NRP1: variants seen among roughly 807,000 people sequenced by gnomAD.
NRP1 encodes neuropilin-1.
A neutral mutation model predicts 106.7 loss-of-function variants in NRP1; 35 were observed. The ratio of observed to expected loss-of-function variants is 0.33; its 90% CI spans 0.25 to 0.43. The LOEUF is 0.43. NRP1 is among the 20% of genes least tolerant of loss of function. The probability of loss-of-function intolerance (pLI) is 1.00; values close to 1 mark genes in which losing one functional copy is unlikely to be tolerated. For missense variants in NRP1, 1,024 were observed against 1,170.4 expected (o/e 0.87, Z 1.83); for synonymous variants, 437 against 417.9 (o/e 1.05, Z -0.56).
rs150908749 is a variant in NRP1 at position 33,229,652 on chromosome 10, A to G, written c.982-3363T>C. Among the ~76,000 whole-genome samples, 846 of 152,216 alleles carry G rather than the reference A, an allele frequency of 5.6e-3. 13 individuals carry two copies. Among genetic ancestry groups the G allele is most frequent in the African/African-American group, 0.017 (721 of 41,540 alleles). ...ATTTTGGTTTTTGGAGTAAGATTTA[A>G]TTACTAAGTAGGAAAGAAGTTAACT... On this transcript the variant is annotated intron_variant, in intron 6 of 16. Transcript: ENST00000374867.
At position 33,182,716 on chromosome 10, in the gene NRP1, T is replaced by G. The variant is rs972629078; in HGVS notation, c.2464A>C (p.Ile822Leu). 1 of 1,612,928 alleles carries G rather than the reference T, an allele frequency of 6.2e-7. No homozygotes were observed. Among genetic ancestry groups the G allele is most frequent in the African/African-American group, 1.3e-5 (1 of 74,906 alleles). Residue 822 changes from isoleucine (I) to leucine (L), a missense_variant, in exon 16 of 17, where the codon ATT becomes CTT. Physicochemically the swap from Ile to Leu is conservative, Grantham distance 5. Around this residue, in one of 5 missense-constraint regions of NRP1, gnomAD observed 164 missense variants for 161.4 expected, o/e 1.02. Coordinates refer to ENST00000374867, the MANE Select transcript of NRP1 (RefSeq NM_003873.7). ...PADLDKKNPE[I>L]KIDETGSTPG... ...AATTTACCTGTTTCATCAATTTTAA[T>G]TTCTGGGTTCTTTTTATCCAGGTCT...
At position 33,263,761 on chromosome 10, in the gene NRP1, C is replaced by G. The variant is rs767829083; in HGVS notation, c.543G>C (p.Lys181Asn). ...LECTYIVFVP[K>N]MSEIILEFES... ...CAAATTCCAGGATAATCTCTGACAT[C>G]TTTGGCACAAAGACAATATAAGTGC... Residue 181 changes from lysine (K) to asparagine (N), a missense_variant, in exon 4 of 17, where the codon AAG becomes AAC. Lys to Asn is a moderately conservative substitution (Grantham distance 94, BLOSUM62 0). Coordinates refer to ENST00000374867, the MANE Select transcript of NRP1 (RefSeq NM_003873.7). 1.9e-6 allele frequency: 3 copies of G among 1,613,828 alleles called. No homozygotes were observed. The highest frequency in any genetic ancestry group is 8.5e-7 in the Non-Finnish European group (1 of 1,179,890).
chr10:33,221,963 G>C, intron 7 of NRP1, 100 bp from the exon 8 acceptor site: 1 of 1,334,004 alleles, frequency 7.5e-7, no homozygotes, highest in Non-Finnish European at 1.1e-6. Flanking sequence ...TACAATTTCA[G>C]TGTTGTCGAT....
chr10:33,191,789 C>T (rs1836430771), intron 13 of NRP1, among the ~76,000 whole-genome samples: 1 of 151,820 alleles, frequency 6.6e-6, no homozygotes. Context: ...CCAGCCCGGC[C>T]AATGTGGTGA....
intron 7 of NRP1, among the ~76,000 whole-genome samples, chr10:33,222,524 TTTATTTATTTA>T (rs1362376650): frequency 8.7e-5 from 13 of 150,064 alleles, no homozygotes; most frequent in African/African-American, 3.2e-4. Context: ...TATTTATTTA[TTTATTTATTTA>T]TTTAAGATGG....
In NRP1 at chr10:33,211,923, C is replaced by CACT. The variant is rs954012622; in HGVS notation, c.1614+1460_1614+1462dup. On this transcript the variant is annotated intron_variant, in intron 9 of 16. Transcript: ENST00000374867. ...ATACCATCGCTGAATATAATTCCCA[C>CACT]ACTGAACACAGAACTTAAACTGCTA... The CACT allele has an allele frequency of 1.6e-3, 246 of 152,374 alleles. 2 individuals carry two copies. Among genetic ancestry groups the CACT allele is most frequent in the African/African-American group, 5.6e-3 (232 of 41,588 alleles). The allele number at this position is 152,374 out of a possible 1,614,324, so 9.4% of individuals were successfully genotyped here. A position where few individuals can be genotyped will look rare whatever the true frequency, so the allele number is the denominator to read the frequency against.
At chr10:33,187,094 A>G (rs1836061504) in intron 13 of NRP1, among the ~76,000 whole-genome samples, 1 of 152,074 alleles carries the variant, frequency 6.6e-6, no homozygotes, top group Non-Finnish European at 1.5e-5. Context: ...GCTAGTCTCA[A>G]ACTCCTGGCC....
At chr10:33,249,081 CTT>C (rs1366741171) in intron 6 of NRP1, among the ~76,000 whole-genome samples, 3 of 65,434 alleles carry the variant, frequency 4.6e-5, no homozygotes, top group Non-Finnish European at 5.5e-5. Flanking sequence ...TATTATGTCT[CTT>C]GTTTTTTTTT....
Position 33,179,926 on chromosome 10 carries a change from C to T in NRP1, c.*150G>A, listed in dbSNP as rs932833354. 67 of 747,518 alleles carry T rather than the reference C, an allele frequency of 9.0e-5. No individual in the cohort carries two copies. Among genetic ancestry groups the T allele is most frequent in the East Asian group, 3.0e-4 (12 of 40,592 alleles). 46.3% of individuals were successfully genotyped at this position (747,518 alleles called of 1,614,324 possible). A position where few individuals can be genotyped will look rare whatever the true frequency, so the allele number is the denominator to read the frequency against. The stretch of plus-strand genomic sequence containing the variant: ...AACACAGCTCCTTGTCCATGTCTGT[C>T]GGCCATACTCATTGAAGCTCCTGAG... On this transcript the variant is annotated 3_prime_UTR_variant, in exon 17 of 17. Transcript: ENST00000374867.
intron 2 of NRP1, among the ~76,000 whole-genome samples, chr10:33,310,132 GT>G (rs1735607664): frequency 6.6e-6 from 1 of 151,604 alleles, no homozygotes; most frequent in African/African-American, 2.4e-5. Context: ...TGTATTTTTA[GT>G]AGAGACGGGG....
At chr10:33,237,487 G>GCGCGCGCACA (rs1554788780) in intron 6 of NRP1, among the ~76,000 whole-genome samples, 245 of 144,848 alleles carry the variant, frequency 1.7e-3, no homozygotes, top group Middle Eastern at 7.2e-3. Context: ...ACATGCGCGC[G>GCGCGCGCACA]CACACACACA....
chr10:33,299,164 T>G (rs1475335350), intron 2 of NRP1, among the ~76,000 whole-genome samples: 1 of 152,186 alleles, frequency 6.6e-6, no homozygotes, highest in East Asian at 1.9e-4. Flanking sequence ...GTTACTGATC[T>G]GAAAACGATG....
intron 6 of NRP1, among the ~76,000 whole-genome samples, chr10:33,243,295 G>C (rs1230729606): frequency 6.6e-6 from 1 of 152,140 alleles, no homozygotes; most frequent in Non-Finnish European, 1.5e-5. Flanking sequence ...TAGTGTTTAA[G>C]ACAAATTCCA....
At chr10:33,184,090 CAACTTCCGCCTCCTGGGTT>C (rs1588679673) in intron 15 of NRP1, among the ~76,000 whole-genome samples, 1 of 152,116 alleles carries the variant, frequency 6.6e-6, no homozygotes, top group East Asian at 1.9e-4. Context: ...TGGCTCACTG[CAACTTCCGCCTCCTGGGTT>C]CAAGCAATTC....
intron 2 of NRP1, among the ~76,000 whole-genome samples, chr10:33,302,734 T>C (rs1002591592): frequency 1.3e-5 from 2 of 152,106 alleles, no homozygotes; most frequent in African/African-American, 4.8e-5. Context: ...GAAGCAAACA[T>C]CAGTTCAGAA....
At chr10:33,272,178 C>A (rs11009328) in intron 2 of NRP1, among the ~76,000 whole-genome samples, 40,279 of 151,906 alleles carry the variant, frequency 0.27, 5,991 homozygotes, top group East Asian at 0.46. Flanking sequence ...TGCAACGATG[C>A]TATCACTAGT....
chr10:33,281,256 G>T (rs1844106782), intron 2 of NRP1, among the ~76,000 whole-genome samples: 1 of 151,984 alleles, frequency 6.6e-6, no homozygotes, highest in Admixed American at 6.6e-5. Context: ...CACCACATTG[G>T]CCAGGCTGGT....
intron 9 of NRP1, among the ~76,000 whole-genome samples, chr10:33,210,916 T>G (rs1242265994): frequency 6.6e-6 from 1 of 152,244 alleles, no homozygotes; most frequent in African/African-American, 2.4e-5. Flanking sequence ...CCCATTTCTT[T>G]TTTCGTCTTA....
At chr10:33,233,226 C>T (rs982063023) in intron 6 of NRP1, among the ~76,000 whole-genome samples, 4 of 151,998 alleles carry the variant, frequency 2.6e-5, no homozygotes, top group East Asian at 1.9e-4. Context: ...GGTGAAGGGG[C>T]GATGTTTGCA....
Sources: allele counts gnomAD v4.1 joint callset (sites outside exome capture counted in the v4.1 genomes callset), GRCh38; gene constraint gnomAD v4.1.1; regional missense constraint gnomAD v4.1.1; transcripts MANE v1.5; gene names NCBI Gene and HGNC (gene_info 2026-07-23, HGNC 2026-07-21).